PCED1B: variants seen among roughly 807,000 people sequenced by gnomAD.
The protein encoded by PCED1B is PC-esterase domain-containing protein 1B.
For synonymous variants in PCED1B, 251 were observed against 246.1 expected, an observed-to-expected ratio of 1.02 and a Z score of -0.19; for missense variants, 573 against 573.9, an observed-to-expected ratio of 1.00 and a Z score of 0.02.
chr12:47,228,643 G>A (rs1943706103), intron 3 of PCED1B, among the ~76,000 whole-genome samples: 1 of 152,092 alleles, frequency 6.6e-6, no homozygotes, highest in Non-Finnish European at 1.5e-5. Context: ...GCCAAGGCGG[G>A]CAGATCATCT....
At chr12:47,196,087 A>G (rs776098382) in intron 2 of PCED1B, among the ~76,000 whole-genome samples, 8 of 152,366 alleles carry the variant, frequency 5.3e-5, no homozygotes, top group African/African-American at 1.7e-4. Context: ...TGCAAAGACT[A>G]TTACATATAA....
intron 3 of PCED1B, 88 bp from the exon 4 acceptor site, chr12:47,234,919 C>G: frequency 1.5e-6 from 1 of 647,376 alleles, no homozygotes; most frequent in Non-Finnish European, 2.4e-6. Flanking sequence ...GCGCCATCCC[C>G]TTCCCCATGG....
At chr12:47,086,888 T>C (rs1938014323) in intron 1 of PCED1B, among the ~76,000 whole-genome samples, 1 of 152,232 alleles carries the variant, frequency 6.6e-6, no homozygotes, top group Non-Finnish European at 1.5e-5. Context: ...GGATTTCCTG[T>C]AGCAGTAACT....
chr12:47,133,950 C>T (rs1483648452), intron 2 of PCED1B, among the ~76,000 whole-genome samples: 2 of 152,148 alleles, frequency 1.3e-5, no homozygotes, highest in Non-Finnish European at 2.9e-5. Flanking sequence ...GAGAAGATGG[C>T]AGGTTGCAAC....
intron 2 of PCED1B, among the ~76,000 whole-genome samples, chr12:47,190,968 G>A (rs1942422989): frequency 6.6e-6 from 1 of 152,100 alleles, no homozygotes; most frequent in African/African-American, 2.4e-5. Context: ...ATGACCTAAG[G>A]ATCATTGTTC....
chr12:47,115,093 C>T (rs888585890), intron 2 of PCED1B, among the ~76,000 whole-genome samples: 3 of 152,060 alleles, frequency 2.0e-5, no homozygotes, highest in African/African-American at 7.3e-5. Flanking sequence ...TATAATAAAG[C>T]CTGGACACAG....
Position 47,110,774 on chromosome 12 carries a change from C to T in PCED1B, c.-526+6579C>T, listed in dbSNP as rs544934855. 4.6e-5 allele frequency among the ~76,000 whole-genome samples: 7 copies of T among 152,302 alleles called. 2 individuals carry two copies. The highest frequency in any genetic ancestry group is 1.7e-4 in the African/African-American group (7 of 41,572). The stretch of plus-strand genomic sequence containing the variant: ...ACATGAGCTTCATTTTTAGATGTAA[C>T]TAGTGTCTTCTTTCAGGTGATTATT... On this transcript the variant is annotated intron_variant, in intron 2 of 3. Coordinates refer to ENST00000546455, the MANE Select transcript of PCED1B (RefSeq NM_138371.3).
chr12:47,158,537 A>G (rs1941268486), intron 2 of PCED1B, among the ~76,000 whole-genome samples: 1 of 152,116 alleles, frequency 6.6e-6, no homozygotes, highest in Non-Finnish European at 1.5e-5. Context: ...AGTTCCATTT[A>G]TATTTCAGAT....
At chr12:47,135,207 T>A (rs1049595535) in intron 2 of PCED1B, among the ~76,000 whole-genome samples, 133 of 152,362 alleles carry the variant, frequency 8.7e-4, no homozygotes, top group African/African-American at 3.1e-3. Context: ...GTAAATTTCA[T>A]ACAATGGGCT....
At chr12:47,217,434 A>AAAAAAAGAAAAAAAAAAAG in intron 3 of PCED1B, among the ~76,000 whole-genome samples, 1 of 113,002 alleles carries the variant, frequency 8.8e-6, no homozygotes, top group African/African-American at 4.8e-5. Flanking sequence ...AAAGAAGAAA[A>AAAAAAAGAAAAAAAAAAAG]AAAAAGAAAG....
At chr12:47,205,682 G>A (rs1942889314) in intron 2 of PCED1B, among the ~76,000 whole-genome samples, 1 of 151,686 alleles carries the variant, frequency 6.6e-6, no homozygotes, top group Non-Finnish European at 1.5e-5. Context: ...GTTTCAATAG[G>A]TTTTTATGAA....
At position 47,235,728 on chromosome 12, in the gene PCED1B, G is replaced by A; in HGVS notation, c.665G>A (p.Arg222Lys). 6.2e-7 allele frequency: 1 copy of A among 1,609,708 alleles called. No individual in the cohort carries two copies. Among genetic ancestry groups the A allele is most frequent in the South Asian group, 1.1e-5 (1 of 90,396 alleles). Residue 222 changes from arginine (R) to lysine (K), a missense_variant, in exon 4 of 4, where the codon AGG becomes AAG. By Grantham distance (26) the Arg-to-Lys change is conservative. Transcript: ENST00000546455. ...LDLHFHFRHA[R>K]ENLHWDGVHW... Reference sequence around the variant, plus strand: ...TTGCATTTCCACTTCCGCCACGCGAGGGAGAACCTGCACTGGGACGGGGTG... The same window carrying A: ...TTGCATTTCCACTTCCGCCACGCGAAGGAGAACCTGCACTGGGACGGGGTG...
intron 2 of PCED1B, among the ~76,000 whole-genome samples, chr12:47,153,579 A>G (rs1941083176): frequency 6.6e-6 from 1 of 152,176 alleles, no homozygotes; most frequent in Non-Finnish European, 1.5e-5. Context: ...AAAGGAAAGG[A>G]AAAGTCATCT....
chr12:47,111,596 C>T (rs534470003), intron 2 of PCED1B, among the ~76,000 whole-genome samples: 1 of 152,250 alleles, frequency 6.6e-6, no homozygotes, highest in South Asian at 2.1e-4. Context: ...TAATTCTTCC[C>T]TACCCTCAAC....
chr12:47,110,618 A>G (rs956162128), intron 2 of PCED1B, among the ~76,000 whole-genome samples: 44 of 152,356 alleles, frequency 2.9e-4, no homozygotes, highest in African/African-American at 1.0e-3. Flanking sequence ...GGCAGAATCT[A>G]TAAATGCAAG....
At chr12:47,120,999 G>A (rs868516695) in intron 2 of PCED1B, among the ~76,000 whole-genome samples, 11 of 152,028 alleles carry the variant, frequency 7.2e-5, no homozygotes, top group Non-Finnish European at 1.5e-4. Flanking sequence ...AAAAAATGGC[G>A]GTATAGAAAA....
chr12:47,150,340 T>C (rs1486901612), intron 2 of PCED1B, among the ~76,000 whole-genome samples: 1 of 149,670 alleles, frequency 6.7e-6, no homozygotes. Flanking sequence ...CTTTGGGAGG[T>C]CAAGGCAGGA....
intron 2 of PCED1B, among the ~76,000 whole-genome samples, chr12:47,213,839 A>G (rs1215140803): frequency 6.6e-6 from 1 of 152,222 alleles, no homozygotes; most frequent in Non-Finnish European, 1.5e-5. Flanking sequence ...CTTGAAAGCA[A>G]GAAAATCAGT....
At chr12:47,221,965 A>G (rs991311585) in intron 3 of PCED1B, among the ~76,000 whole-genome samples, 2 of 151,996 alleles carry the variant, frequency 1.3e-5, no homozygotes, top group East Asian at 1.9e-4. Context: ...TTAGCTGGGC[A>G]TGGGATGCAC....
Sources: allele counts gnomAD v4.1 joint callset (sites outside exome capture counted in the v4.1 genomes callset), GRCh38; gene constraint gnomAD v4.1.1; transcripts MANE v1.5; gene names NCBI Gene and HGNC (gene_info 2026-07-23, HGNC 2026-07-21).